Variants in DUOX1 observed in about 807,000 individuals in gnomAD.
DUOX1 encodes NADPH thyroid oxidase 1.
In DUOX1, 134 loss-of-function variants were observed where a neutral mutation model predicts 181.8. That is an observed-to-expected ratio of 0.74 (90% CI 0.64 to 0.85). DUOX1 has a LOEUF of 0.85. Among genes scored for constraint, DUOX1 ranks in the 40% least tolerant of loss-of-function variants. DUOX1 has a pLI of 0.00. For synonymous variants in DUOX1, 798 were observed against 832.5 expected (o/e 0.96, Z 0.71); for missense variants, 1,814 against 2,064.4 (o/e 0.88, Z 2.35).
Position 45,151,994 on chromosome 15 carries a change from C to A in DUOX1, c.3135C>A (p.Ile1045=). The part of the protein sequence containing the change: ...KRFIENYRRH[I]GCVAVFYAIA... ...TCATTGAGAACTACCGGCGCCACAT[C>A]GGCTGCGTGGCCGTGTTCTACGCCA... Residue 1045 remains isoleucine, a synonymous_variant, in exon 24 of 34, where the codon ATC becomes ATA. Transcript: ENST00000389037. 1.9e-6 allele frequency: 3 copies of A among 1,614,138 alleles called. No homozygotes were observed. The highest frequency in any genetic ancestry group is 2.5e-6 in the Non-Finnish European group (3 of 1,180,028).
intron 2 of DUOX1, 60 bp from the exon 3 acceptor site, chr15:45,133,804 C>T: frequency 6.8e-7 from 1 of 1,473,210 alleles, no homozygotes; most frequent in Non-Finnish European, 9.4e-7. Flanking sequence ...ATCCGGCAGG[C>T]CTGCCTGTCC....
chr15:45,135,992 GCCCACGGGAGACTCCGCTGCCCCAT>G (rs1896302556), intron 7 of DUOX1, 44 bp downstream of exon 7: 1 of 824,484 alleles, frequency 1.2e-6, no homozygotes, highest in South Asian at 1.8e-5. Flanking sequence ...CCGCGTGCAA[GCCCACGGGAGACTCCGCTGCCCCAT>G]GGAGCTCCCC....
intron 15 of DUOX1, among the ~76,000 whole-genome samples, chr15:45,142,425 G>A (rs1896522064): frequency 6.6e-6 from 1 of 152,170 alleles, no homozygotes; most frequent in African/African-American, 2.4e-5. Flanking sequence ...GCAAATCCCT[G>A]TTTAAGAACA....
In DUOX1 at chr15:45,152,429, C is replaced by T; in HGVS notation, c.3337C>T (p.Arg1113Ter). ...GTGCCGCAACCTCATCACCTTCCTG[C>T]GAGAAACCTTCCTCAACCGCTACGT... ...TMCRNLITFL[R>*]ETFLNRYVPF... is the part of the protein sequence containing the mutation. The change falls in exon 25 of 34, where the codon CGA (arginine) becomes TGA (stop). Residue 1113 changes from arginine to a stop codon, truncating the protein, a stop_gained. Transcript: ENST00000389037. LOFTEE classifies it high-confidence loss of function. The T allele has an allele frequency of 4.3e-6, 7 of 1,614,240 alleles. No individual in the cohort carries two copies. Among genetic ancestry groups the T allele is most frequent in the Non-Finnish European group, 5.9e-6 (7 of 1,180,042 alleles).
At chr15:45,164,040 T>G in intron 33 of DUOX1, 122 bp downstream of exon 33, 1 of 1,433,416 alleles carries the variant, frequency 7.0e-7, no homozygotes, top group Non-Finnish European at 9.5e-7. Flanking sequence ...CCTGGGAGAT[T>G]GGTGGGGTAA....
chr15:45,140,970 A>C lies in DUOX1; in HGVS notation c.1465A>C (p.Ser489Arg). The C allele has an allele frequency of 6.2e-7, 1 of 1,613,996 alleles. No homozygotes were observed. Among genetic ancestry groups the C allele is most frequent in the Non-Finnish European group, 8.5e-7 (1 of 1,179,998 alleles). Residue 489 changes from serine to arginine, a missense_variant, in exon 13 of 34, where the codon AGC (serine) becomes CGC (arginine). Transcript: ENST00000389037. The stretch of plus-strand genomic sequence containing the variant: ...GCTGCTCCCTGGGGGACTCCTGGAG[A>C]GCCACCGGGACCCTGGACCTCTGTT... ...LELLPGGLLE[S>R]HRDPGPLFST...
intron 28 of DUOX1, among the ~76,000 whole-genome samples, chr15:45,157,865 C>G (rs1373545557): frequency 6.6e-6 from 1 of 151,944 alleles, no homozygotes; most frequent in African/African-American, 2.4e-5. Context: ...GTGGAGGCCT[C>G]TATGCTAGGC....
At chr15:45,138,847 G>T in intron 10 of DUOX1, 2 of 544,590 alleles carry the variant, frequency 3.7e-6, no homozygotes, top group Non-Finnish European at 6.5e-6. Flanking sequence ...AAGATCCCTT[G>T]TGCTTGTATA....
At chr15:45,161,632 T>C in intron 29 of DUOX1, 106 bp from the exon 30 acceptor site, 1 of 1,019,384 alleles carries the variant, frequency 9.8e-7, no homozygotes, top group Non-Finnish European at 1.5e-6. Context: ...AGGCCTCCTT[T>C]GTCATATTCC....
At chr15:45,141,901 C>T (rs1395427026) in intron 14 of DUOX1, 74 bp from the exon 15 acceptor site, 2 of 1,537,604 alleles carry the variant, frequency 1.3e-6, no homozygotes, top group Non-Finnish European at 1.8e-6. Flanking sequence ...TTCTGCCACC[C>T]TAACCTCCTC....
chr15:45,154,112 C>T (rs1394922254), intron 27 of DUOX1, 112 bp downstream of exon 27: 2 of 1,010,214 alleles, frequency 2.0e-6, no homozygotes, highest in Non-Finnish European at 3.1e-6. Context: ...TTCCGGTGAC[C>T]CAGGCTCTGT....
intron 30 of DUOX1, 96 bp downstream of exon 30, chr15:45,162,066 T>C (rs1345042913): frequency 6.8e-7 from 1 of 1,463,024 alleles, no homozygotes; most frequent in East Asian, 2.5e-5. Context: ...GCCTCCCCTC[T>C]CTGCATCTAG....
At chr15:45,160,728 G>A in intron 28 of DUOX1, 109 bp from the exon 29 acceptor site, 1 of 1,401,152 alleles carries the variant, frequency 7.1e-7, no homozygotes, top group South Asian at 1.4e-5. Flanking sequence ...GTGGTGAGGT[G>A]GGGGCTGGAT....
At chr15:45,132,365 C>A (rs749195730) in intron 2 of DUOX1, among the ~76,000 whole-genome samples, 3 of 152,172 alleles carry the variant, frequency 2.0e-5, no homozygotes, top group Non-Finnish European at 1.5e-5. Flanking sequence ...ATTGATTAGA[C>A]ACATAAGACA....
chr15:45,145,510 A>G (rs2141274005), intron 18 of DUOX1, among the ~76,000 whole-genome samples: 1 of 152,300 alleles, frequency 6.6e-6, no homozygotes, highest in Middle Eastern at 3.4e-3. Flanking sequence ...TCTGAGAGAG[A>G]CTGGGAGGAT....
chr15:45,151,935 T>C lies in DUOX1; in HGVS notation c.3076T>C (p.Cys1026Arg), dbSNP rs16939752. 0.15 allele frequency: 245,814 copies of C among 1,613,176 alleles called. 24,572 individuals are homozygous for C. The highest frequency in any genetic ancestry group is 0.44 in the East Asian group (19,817 of 44,800). ...GCACCGAGAGAAGTTCCAACGCAGC[T>C]GTCTCCACCAGACGGTGCAACAGTT... Reference protein sequence around the residue: ...EAHREKFQRSCLHQTVQQFKR... With the variant: ...EAHREKFQRSRLHQTVQQFKR... Residue 1026 changes from cysteine to arginine, a missense_variant, in exon 24 of 34, where the codon TGT becomes CGT. By Grantham distance (180) the Cys-to-Arg change is radical (BLOSUM62 -3). Coordinates refer to ENST00000389037, the MANE Select transcript of DUOX1 (RefSeq NM_175940.3).
chr15:45,145,976 A>C (rs77882718), intron 18 of DUOX1, among the ~76,000 whole-genome samples: 1,707 of 152,256 alleles, frequency 0.011, 37 homozygotes, highest in African/African-American at 0.04. Flanking sequence ...TTATCCTTCC[A>C]CTGGGGAGAT....
chr15:45,133,526 G>C (rs1403749294), intron 2 of DUOX1, among the ~76,000 whole-genome samples: 1 of 152,104 alleles, frequency 6.6e-6, no homozygotes, highest in African/African-American at 2.4e-5. Context: ...TGAAGTTTAA[G>C]GGGAGTAAAG....
Position 45,152,329 on chromosome 15 carries a change from C to G in DUOX1, c.3237C>G (p.Thr1079=). 6.2e-7 allele frequency: 1 copy of G among 1,614,222 alleles called. No individual in the cohort carries two copies. Among genetic ancestry groups the G allele is most frequent in the Middle Eastern group, 1.6e-4 (1 of 6,062 alleles). The part of the protein sequence containing the change: ...AAHHTGITDT[T]RVGIILSRGT... ...ATCACACGGGCATCACAGACACCAC[C>G]CGCGTGGGAATCATCCTGTCGCGGG... The change falls in exon 25 of 34, where the codon ACC becomes ACG. Residue 1079 remains threonine, a synonymous_variant. Coordinates refer to ENST00000389037, the MANE Select transcript of DUOX1 (RefSeq NM_175940.3).
Sources: allele counts gnomAD v4.1 joint callset (sites outside exome capture counted in the v4.1 genomes callset), GRCh38; gene constraint gnomAD v4.1.1; transcripts MANE v1.5; gene names NCBI Gene and HGNC (gene_info 2026-07-23, HGNC 2026-07-21).